PRICKLE2: variants seen among roughly 807,000 people sequenced by gnomAD.
The protein encoded by PRICKLE2 is prickle-like protein 2.
A neutral mutation model predicts 81.4 loss-of-function variants in PRICKLE2; 21 were observed. The ratio of observed to expected loss-of-function variants is 0.26; its 90% CI spans 0.18 to 0.37. PRICKLE2 has a LOEUF of 0.37. Ranked by LOEUF, PRICKLE2 falls within the 10% of genes least tolerant of loss-of-function variation. The pLI, the probability that PRICKLE2 is intolerant of heterozygous loss-of-function variation, is 1.00. For missense variants in PRICKLE2, 940 were observed against 1,109.0 expected (o/e 0.85, Z 2.16); for synonymous variants, 456 against 421.5 (o/e 1.08, Z -1.00).
chr3:64,108,911 G>A (rs1160404526), intron 7 of PRICKLE2, among the ~76,000 whole-genome samples: 1 of 152,070 alleles, frequency 6.6e-6, no homozygotes, highest in East Asian at 1.9e-4. Context: ...AGTATCTCTG[G>A]ACTCTACCCA....
At chr3:64,197,928 A>G (rs1387562010) in intron 2 of PRICKLE2, among the ~76,000 whole-genome samples, 1 of 151,924 alleles carries the variant, frequency 6.6e-6, no homozygotes, top group Non-Finnish European at 1.5e-5. Context: ...TCAAGGGCTG[A>G]TGGCCGGGTG....
intron 2 of PRICKLE2, among the ~76,000 whole-genome samples, chr3:64,187,825 C>G (rs1433942970): frequency 6.6e-6 from 1 of 152,208 alleles, no homozygotes; most frequent in East Asian, 1.9e-4. Flanking sequence ...AACGGTAAAG[C>G]TGGACGCCTG....
chr3:64,137,656 C>T (rs2077298134), intron 7 of PRICKLE2, among the ~76,000 whole-genome samples: 1 of 152,164 alleles, frequency 6.6e-6, no homozygotes, highest in Non-Finnish European at 1.5e-5. Context: ...TCCAACTGCC[C>T]ACTGATTCCC....
upstream of PRICKLE2, among the ~76,000 whole-genome samples, chr3:64,226,805 GA>G (rs2079038031): frequency 6.6e-6 from 1 of 152,216 alleles, no homozygotes; most frequent in Non-Finnish European, 1.5e-5. Flanking sequence ...AGAGAGGCAA[GA>G]GCCAGGCAAT....
chr3:64,164,955 C>G (rs2077803535), intron 2 of PRICKLE2, among the ~76,000 whole-genome samples: 1 of 152,190 alleles, frequency 6.6e-6, no homozygotes, highest in African/African-American at 2.4e-5. Flanking sequence ...AAAGCACGCC[C>G]AGTCTCATGT....
At chr3:64,193,575 A>C (rs1440657793) in intron 2 of PRICKLE2, among the ~76,000 whole-genome samples, 1 of 152,196 alleles carries the variant, frequency 6.6e-6, no homozygotes, top group African/African-American at 2.4e-5. Context: ...TTTTTGTCCA[A>C]ATCAAAGCAG....
intron 2 of PRICKLE2, among the ~76,000 whole-genome samples, chr3:64,180,229 C>T (rs2078104284): frequency 6.6e-6 from 1 of 152,214 alleles, no homozygotes; most frequent in Non-Finnish European, 1.5e-5. Context: ...CAGGTTCATC[C>T]TCAACAAAGA....
chr3:64,168,039 C>A (rs1349789961), intron 2 of PRICKLE2, among the ~76,000 whole-genome samples: 1 of 152,100 alleles, frequency 6.6e-6, no homozygotes, highest in Non-Finnish European at 1.5e-5. Flanking sequence ...CTTGTTGGAC[C>A]TCACCCAATT....
At chr3:64,265,161 G>A (rs1333672903) in intron 2 of PRICKLE2, among the ~76,000 whole-genome samples, 1 of 151,592 alleles carries the variant, frequency 6.6e-6, no homozygotes, top group Non-Finnish European at 1.5e-5. Context: ...AAAGCAAAAA[G>A]AAAAACAAAA....
intron 2 of PRICKLE2, chr3:64,190,325 A>C (rs1378781922): frequency 3.9e-5 from 6 of 152,118 alleles, no homozygotes. Flanking sequence ...CTTGTAAAGC[A>C]CCCAGGAAAA....
At chr3:64,171,034 A>AT (rs2077921327) in intron 2 of PRICKLE2, among the ~76,000 whole-genome samples, 1 of 152,110 alleles carries the variant, frequency 6.6e-6, no homozygotes, top group South Asian at 2.1e-4. Context: ...GTCTCTTACC[A>AT]TATTCCTTTT....
At chr3:64,207,029 A>G (rs989123334) in intron 1 of PRICKLE2, among the ~76,000 whole-genome samples, 1 of 151,632 alleles carries the variant, frequency 6.6e-6, no homozygotes, top group Non-Finnish European at 1.5e-5. Flanking sequence ...CCTCCTGAGA[A>G]GCTGGGACTA....
intron 2 of PRICKLE2, among the ~76,000 whole-genome samples, chr3:64,243,369 T>C (rs2079296983): frequency 6.6e-6 from 1 of 152,226 alleles, no homozygotes. Context: ...TGGTCACCCT[T>C]TCCCCAGTCG....
In PRICKLE2 at chr3:64,093,380, T is replaced by C. The variant is rs1360335711; in HGVS notation, c.*5671A>G. On this transcript the variant is annotated 3_prime_UTR_variant, in exon 8 of 8. Coordinates refer to ENST00000638394, the MANE Select transcript of PRICKLE2 (RefSeq NM_198859.4). ...ACCCTGCTGTCAATTCTTTTGGGTA[T>C]AGCCCAGAAGTAGCATATGGTAGTA... is the stretch of plus-strand genomic sequence containing the variant. 1 of 152,286 alleles carries C rather than the reference T, an allele frequency of 6.6e-6. No homozygotes were observed. Among genetic ancestry groups the C allele is most frequent in the African/African-American group, 2.4e-5 (1 of 41,470 alleles). 9.4% of individuals were successfully genotyped at this position (152,286 alleles called of 1,614,324 possible). A position where few individuals can be genotyped will look rare whatever the true frequency, so the allele number is the denominator to read the frequency against.
intron 7 of PRICKLE2, among the ~76,000 whole-genome samples, chr3:64,128,486 G>T (rs1487242677): frequency 6.6e-6 from 1 of 152,108 alleles, no homozygotes; most frequent in South Asian, 2.1e-4. Context: ...GGTGGCCAAC[G>T]CCTGTAATCC....
chr3:64,152,438 TGCAGA>T (rs1390492136), intron 6 of PRICKLE2, among the ~76,000 whole-genome samples: 8 of 152,214 alleles, frequency 5.3e-5, no homozygotes, highest in Admixed American at 5.2e-4. Flanking sequence ...ATTGGGTATT[TGCAGA>T]GGGAAAATGA....
intron 1 of PRICKLE2, among the ~76,000 whole-genome samples, chr3:64,220,628 C>T (rs968566063): frequency 6.6e-5 from 10 of 152,154 alleles, no homozygotes; most frequent in African/African-American, 2.2e-4. Context: ...CCGACTATTG[C>T]TTCCTCCTGT....
At chr3:64,250,359 G>C (rs1270380674) in intron 2 of PRICKLE2, among the ~76,000 whole-genome samples, 2 of 152,192 alleles carry the variant, frequency 1.3e-5, no homozygotes, top group Non-Finnish European at 2.9e-5. Flanking sequence ...GACAATAAAA[G>C]ATGTCTCCAG....
intron 4 of PRICKLE2, among the ~76,000 whole-genome samples, chr3:64,158,043 A>C (rs562008227): frequency 6.6e-6 from 1 of 152,382 alleles, no homozygotes; most frequent in African/African-American, 2.4e-5. Context: ...AACAAGGCAG[A>C]ATCACTGGCC....
Sources: allele counts gnomAD v4.1 joint callset (sites outside exome capture counted in the v4.1 genomes callset), GRCh38; gene constraint gnomAD v4.1.1; transcripts MANE v1.5; gene names NCBI Gene and HGNC (gene_info 2026-07-23, HGNC 2026-07-21).